ENPEP: variants seen among roughly 807,000 people sequenced by gnomAD.
ENPEP encodes glutamyl aminopeptidase.
Under a neutral mutation model 114.5 loss-of-function variants are expected in ENPEP, and 103 were observed. The ratio of observed to expected loss-of-function variants is 0.90; its 90% CI spans 0.77 to 1.06. ENPEP has a LOEUF of 1.06. Ranked by LOEUF, ENPEP falls within the 50% of genes least tolerant of loss-of-function variation. The pLI, the probability that ENPEP is intolerant of heterozygous loss-of-function variation, is 0.00. For missense variants in ENPEP, 1,196 were observed against 1,161.3 expected, an observed-to-expected ratio of 1.03 and a Z score of -0.43; for synonymous variants, 420 against 422.0, an observed-to-expected ratio of 1.00 and a Z score of 0.06.
intron 8 of ENPEP, 170 bp downstream of exon 8, chr4:110,515,612 A>C (rs1424658513): frequency 6.3e-6 from 4 of 632,856 alleles, no homozygotes; most frequent in Non-Finnish European, 1.1e-5. Context: ...TTGAGTACCT[A>C]CATTGTATCT....
chr4:110,502,680 G>A (rs1725206771), intron 3 of ENPEP, among the ~76,000 whole-genome samples: 1 of 152,110 alleles, frequency 6.6e-6, no homozygotes, highest in South Asian at 2.1e-4. Flanking sequence ...CTATAGGCTT[G>A]TAGTATAGTT....
Position 110,519,896 on chromosome 4 carries a change from C to T in ENPEP, c.1510-112C>T, listed in dbSNP as rs139456647. 6.8e-3 allele frequency: 5,543 copies of T among 817,492 alleles called. 28 individuals carry two copies. Among genetic ancestry groups the T allele is most frequent in the Admixed American group, 1.0e-2 (438 of 43,966 alleles). 50.6% of individuals were successfully genotyped at this position (817,492 alleles called of 1,614,324 possible). A position where few individuals can be genotyped will look rare whatever the true frequency, so the allele number is the denominator to read the frequency against. ...TCATTCATGTACATGTTATCTATGG[C>T]TGGTTTTGCGCAATGGAGGTAGAAT... On this transcript the variant is annotated intron_variant, in intron 8 of 19. Transcript: ENST00000265162.
intron 18 of ENPEP, among the ~76,000 whole-genome samples, chr4:110,556,714 T>TA (rs1278142146): frequency 1.3e-5 from 2 of 152,214 alleles, no homozygotes; most frequent in African/African-American, 4.8e-5. Context: ...ATTGCCATTC[T>TA]AAAAACTGTT....
rs368587025 is a variant in ENPEP at position 110,494,615 on chromosome 4, A to G, written c.918+3451A>G. Among the ~76,000 whole-genome samples, 3 of 152,198 alleles carry G rather than the reference A, an allele frequency of 2.0e-5. No individual in the cohort carries two copies. In the East Asian group the frequency reaches 5.8e-4, roughly 29 times the overall value. ...CAGAATCAATGCCTGCATTCTTAAT[A>G]GTTTAGTTGGAGAGAGTACAGCAGA... is the stretch of plus-strand genomic sequence containing the variant. On this transcript the variant is annotated intron_variant, in intron 3 of 19. Coordinates refer to ENST00000265162, the MANE Select transcript of ENPEP (RefSeq NM_001977.4).
In ENPEP at chr4:110,519,617, TCCACCACCA is replaced by T. The variant is rs139912675; in HGVS notation, c.1510-375_1510-367del. On this transcript the variant is annotated intron_variant, in intron 8 of 19. Transcript: ENST00000265162. ...TACAGTGAATAATGTCCCCAATTCA[TCCACCACCA>T]CCACCACCACCACCATCATCATCAT... The T allele has an allele frequency of 2.4e-3, 427 of 177,596 alleles. 2 individuals carry two copies. Among genetic ancestry groups the T allele is most frequent in the African/African-American group, 0.01 (406 of 40,398 alleles). The allele number at this position is 177,596 out of a possible 1,614,324, so 11.0% of individuals were successfully genotyped here. A position where few individuals can be genotyped will look rare whatever the true frequency, so the allele number is the denominator to read the frequency against.
At chr4:110,508,941 T>C (rs1725474479) in intron 4 of ENPEP, among the ~76,000 whole-genome samples, 2 of 152,258 alleles carry the variant, frequency 1.3e-5, no homozygotes, top group South Asian at 4.1e-4. Context: ...AATTACATTC[T>C]GTTTACAGTT....
chr4:110,542,884 CA>C lies in ENPEP; in HGVS notation c.1943del (p.Lys648ArgfsTer24). 1 of 1,612,684 alleles carries C rather than the reference CA, an allele frequency of 6.2e-7. No homozygotes were observed. Among genetic ancestry groups the C allele is most frequent in the Non-Finnish European group, 8.5e-7 (1 of 1,179,230 alleles). On this transcript the variant is annotated frameshift_variant and splice_region_variant, in exon 12 of 20. Transcript: ENST00000265162. LOFTEE classifies it high-confidence loss of function. Reference protein sequence around the residue: ...SIATALSLNHKTFSSADRASL... With the variant: ...SIATALSLNHXTFSSADRASL... ...TAGCTACAGCGCTCTCCTTGAACCA[CA>C]AGGTAAGAGATAGCAATGGTTGGAA...
chr4:110,509,370 TA>T (rs1188908144), intron 4 of ENPEP, among the ~76,000 whole-genome samples: 4 of 152,128 alleles, frequency 2.6e-5, no homozygotes, highest in African/African-American at 9.7e-5. Context: ...AAAAATGAAA[TA>T]CAGAGAGAAA....
At chr4:110,502,699 G>A (rs1056712865) in intron 3 of ENPEP, among the ~76,000 whole-genome samples, 1 of 152,052 alleles carries the variant, frequency 6.6e-6, no homozygotes, top group Non-Finnish European at 1.5e-5. Context: ...TTTAAAGTCA[G>A]GTAATGTGAT....
At chr4:110,508,478 A>G (rs1375014799) in intron 4 of ENPEP, among the ~76,000 whole-genome samples, 2 of 152,204 alleles carry the variant, frequency 1.3e-5, no homozygotes, top group Non-Finnish European at 2.9e-5. Context: ...ACCTCTACTT[A>G]AGATACATCC....
chr4:110,549,585 G>A lies in ENPEP; in HGVS notation c.2283G>A (p.Leu761=), dbSNP rs760875399. Residue 761 remains leucine (L), a synonymous_variant, in exon 16 of 20, where the codon TTG becomes TTA. Transcript: ENST00000265162. ...FACKMGDREA[L]NNASSLFEQW... The stretch of plus-strand genomic sequence containing the variant: ...GCAAGATGGGAGACAGAGAAGCCTT[G>A]AACAATGCTTCCTCGTTATTTGAGC... 1 of 1,613,626 alleles carries A rather than the reference G, an allele frequency of 6.2e-7. No individual in the cohort carries two copies. The highest frequency in any genetic ancestry group is 1.1e-5 in the South Asian group (1 of 91,066).
chr4:110,510,911 T>A (rs1340971727), intron 6 of ENPEP, among the ~76,000 whole-genome samples: 1 of 152,220 alleles, frequency 6.6e-6, no homozygotes, highest in Non-Finnish European at 1.5e-5. Context: ...CATTATTTTC[T>A]ATCTTGTAAG....
At chr4:110,506,535 C>T in intron 3 of ENPEP, 102 bp from the exon 4 acceptor site, 1 of 1,258,968 alleles carries the variant, frequency 7.9e-7, no homozygotes, top group Non-Finnish European at 1.1e-6. Context: ...ACATATCTGG[C>T]TCCAAAGCCC....
At chr4:110,500,959 T>C (rs1316291192) in intron 3 of ENPEP, among the ~76,000 whole-genome samples, 1 of 152,038 alleles carries the variant, frequency 6.6e-6, no homozygotes, top group Non-Finnish European at 1.5e-5. Flanking sequence ...GTGGTGAGGA[T>C]GAGTGAAGGC....
At position 110,476,822 on chromosome 4, in the gene ENPEP, C is replaced by T. The variant is rs746139042; in HGVS notation, c.408C>T (p.Leu136=). ...SAPTRYLWLH[L]RETRITRLPE... is the part of the protein sequence containing the mutation. Reference sequence around the variant, plus strand: ...CCACCCGGTACCTGTGGCTGCACCTCCGGGAGACCAGGATCACCCGGCTCC... The same window carrying T: ...CCACCCGGTACCTGTGGCTGCACCTTCGGGAGACCAGGATCACCCGGCTCC... The change falls in exon 1 of 20, where the codon CTC becomes CTT. Residue 136 remains leucine (L), a synonymous_variant. Transcript: ENST00000265162. 1 of 1,614,140 alleles carries T rather than the reference C, an allele frequency of 6.2e-7. No individual in the cohort carries two copies. Among genetic ancestry groups the T allele is most frequent in the Non-Finnish European group, 8.5e-7 (1 of 1,180,012 alleles).
At chr4:110,484,897 C>T (rs1346198167) in intron 1 of ENPEP, among the ~76,000 whole-genome samples, 4 of 149,212 alleles carry the variant, frequency 2.7e-5, no homozygotes, top group African/African-American at 4.9e-5. Context: ...CTCCCACACA[C>T]GAAGATGTGT....
intron 8 of ENPEP, chr4:110,515,781 T>C: frequency 2.2e-6 from 1 of 462,970 alleles, no homozygotes; most frequent in South Asian, 1.5e-5. Context: ...CTTGCAGTTA[T>C]GGAGGCTGGA....
At position 110,561,495 on chromosome 4, in the gene ENPEP, G is replaced by T; in HGVS notation, c.2811G>T (p.Glu937Asp). 1 of 1,613,990 alleles carries T rather than the reference G, an allele frequency of 6.2e-7. No individual in the cohort carries two copies. Among genetic ancestry groups the T allele is most frequent in the Middle Eastern group, 1.6e-4 (1 of 6,062 alleles). ...QVLETVKNNI[E>D]WLKQHRNTIR... is the part of the protein sequence containing the mutation. ...TGGAAACAGTGAAAAACAATATAGA[G>T]TGGCTAAAACAACATAGAAACACCA... Residue 937 changes from glutamate (E) to aspartate (D), a missense_variant, in exon 20 of 20, where the codon GAG becomes GAT. Glu to Asp is a conservative substitution (Grantham distance 45). Transcript: ENST00000265162.
At chr4:110,498,291 C>G (rs1725018620) in intron 3 of ENPEP, among the ~76,000 whole-genome samples, 1 of 151,960 alleles carries the variant, frequency 6.6e-6, no homozygotes, top group African/African-American at 2.4e-5. Flanking sequence ...TTGGGGGATC[C>G]TTTAAGCATG....
Sources: gnomAD v4.1 joint callset for allele counts (sites outside exome capture counted in the v4.1 genomes callset) on GRCh38, gnomAD v4.1.1 for gene constraint, MANE v1.5 for transcripts, NCBI Gene and HGNC (gene_info 2026-07-23, HGNC 2026-07-21) for gene names.